The following KCNH7 variants were observed in gnomAD, a reference collection of about 807,000 sequenced individuals.
The protein encoded by KCNH7 is potassium voltage-gated channel subfamily H member 7, also known as voltage-gated inwardly rectifying potassium channel KCNH7.
In KCNH7, 49 loss-of-function variants were observed where a neutral mutation model predicts 120.8. The observed-to-expected ratio is 0.41, with a 90% CI of 0.32 to 0.51. The LOEUF is 0.51. Among genes scored for constraint, KCNH7 ranks in the 20% least tolerant of loss-of-function variants. The pLI is 0.38. For synonymous variants in KCNH7, 547 were observed against 516.1 expected (o/e 1.06, Z -0.81); for missense variants, 1,097 against 1,446.6 (o/e 0.76, Z 3.92).
At chr2:162,419,660 A>T (rs1687642711) in intron 9 of KCNH7, among the ~76,000 whole-genome samples, 2 of 152,028 alleles carry the variant, frequency 1.3e-5, no homozygotes, top group Non-Finnish European at 2.9e-5. Context: ...TCATACAGGC[A>T]TTTTTTCCAT....
intron 2 of KCNH7, among the ~76,000 whole-genome samples, chr2:162,803,048 C>T (rs1488102331): frequency 3.3e-5 from 5 of 151,574 alleles, no homozygotes; most frequent in Admixed American, 6.6e-5. Context: ...TTCTTTTGTC[C>T]GGAGGTTTCC....
At chr2:162,531,128 T>C (rs1691910055) in intron 3 of KCNH7, among the ~76,000 whole-genome samples, 1 of 151,988 alleles carries the variant, frequency 6.6e-6, no homozygotes, top group Non-Finnish European at 1.5e-5. Flanking sequence ...AAACAACTTA[T>C]GTTCATAAAA....
chr2:162,817,474 A>C (rs183550059), intron 2 of KCNH7, among the ~76,000 whole-genome samples: 1 of 152,064 alleles, frequency 6.6e-6, no homozygotes, highest in South Asian at 2.1e-4. Flanking sequence ...CTGATGATAG[A>C]CTTTTAGGTT....
chr2:162,573,192 T>A (rs1693551864), intron 2 of KCNH7, among the ~76,000 whole-genome samples: 1 of 151,966 alleles, frequency 6.6e-6, no homozygotes, highest in East Asian at 1.9e-4. Context: ...AACTTAAAAA[T>A]GTAAATAGGA....
intron 4 of KCNH7, 145 bp from the exon 5 acceptor site, chr2:162,512,819 G>T: frequency 6.6e-6 from 4 of 608,428 alleles, no homozygotes; most frequent in South Asian, 2.3e-5. Flanking sequence ...TTAACATTTT[G>T]TACTATTCCA....
chr2:162,517,811 G>A lies in KCNH7; in HGVS notation c.811C>T (p.Arg271Trp), dbSNP rs372420734. 5.1e-5 allele frequency: 82 copies of A among 1,611,698 alleles called. No homozygotes were observed. The highest frequency in any genetic ancestry group is 6.6e-5 in the Non-Finnish European group (78 of 1,178,510). ...ATATCATGGACCGAAGATGCTCTCCGTATACTACATAAGCTTTCCCTTGAT... is the reference window on the plus strand; with the variant it reads ...ATATCATGGACCGAAGATGCTCTCCATATACTACATAAGCTTTCCCTTGAT... ...SRSRESLCSIRRASSVHDIEG... is the reference protein window; with the variant it reads ...SRSRESLCSIWRASSVHDIEG... The change falls in exon 4 of 16, where the codon CGG becomes TGG. Residue 271 changes from arginine (R) to tryptophan (W), a missense_variant. By Grantham distance (101) the Arg-to-Trp change is moderately radical. Transcript: ENST00000332142.
chr2:162,612,294 C>T (rs1293863488), intron 2 of KCNH7, among the ~76,000 whole-genome samples: 1 of 152,086 alleles, frequency 6.6e-6, no homozygotes, highest in East Asian at 1.9e-4. Flanking sequence ...TTTATATCAG[C>T]AGGTACCACA....
At chr2:162,380,599 T>C (rs1686381614) in intron 13 of KCNH7, among the ~76,000 whole-genome samples, 1 of 152,166 alleles carries the variant, frequency 6.6e-6, no homozygotes. Context: ...CCCCAGCTAC[T>C]GTTTCATGTT....
chr2:162,408,017 A>G (rs1327448751), intron 9 of KCNH7, among the ~76,000 whole-genome samples: 1 of 152,044 alleles, frequency 6.6e-6, no homozygotes, highest in Non-Finnish European at 1.5e-5. Flanking sequence ...TACATTGGCA[A>G]TCACCCCAGT....
chr2:162,764,835 A>G (rs866688439), intron 2 of KCNH7, among the ~76,000 whole-genome samples: 8 of 152,182 alleles, frequency 5.3e-5, no homozygotes, highest in African/African-American at 1.9e-4. Context: ...CATCATACAT[A>G]CATTTACTCT....
chr2:162,463,097 C>T (rs1358257528), intron 6 of KCNH7, among the ~76,000 whole-genome samples: 2 of 151,896 alleles, frequency 1.3e-5, no homozygotes, highest in Non-Finnish European at 2.9e-5. Context: ...CGACTCTAAC[C>T]ACAGGAATCT....
intron 2 of KCNH7, among the ~76,000 whole-genome samples, chr2:162,598,581 G>C (rs757495373): frequency 2.4e-4 from 36 of 152,206 alleles, no homozygotes; most frequent in Middle Eastern, 3.4e-3. Context: ...ACCCAATACT[G>C]AGTAATTTGG....
chr2:162,447,961 A>G (rs1325218740), intron 6 of KCNH7, among the ~76,000 whole-genome samples: 2 of 152,116 alleles, frequency 1.3e-5, no homozygotes, highest in Non-Finnish European at 2.9e-5. Context: ...AAAAAATAAT[A>G]AAGAATCTGA....
chr2:162,637,673 G>A (rs560062946), intron 2 of KCNH7, among the ~76,000 whole-genome samples: 4 of 152,006 alleles, frequency 2.6e-5, no homozygotes, highest in African/African-American at 7.2e-5. Context: ...TGATGTAGAC[G>A]TATATCAAAA....
At chr2:162,497,794 T>A (rs1251373388) in intron 6 of KCNH7, among the ~76,000 whole-genome samples, 1 of 152,112 alleles carries the variant, frequency 6.6e-6, no homozygotes, top group Non-Finnish European at 1.5e-5. Context: ...AAATTGAGAA[T>A]CCACTAAACC....
chr2:162,677,630 T>A (rs1403253291), intron 2 of KCNH7, among the ~76,000 whole-genome samples: 1 of 151,576 alleles, frequency 6.6e-6, no homozygotes, highest in African/African-American at 2.4e-5. Flanking sequence ...TGAATAATGC[T>A]TATATAAACA....
intron 6 of KCNH7, among the ~76,000 whole-genome samples, chr2:162,497,819 C>T (rs534018889): frequency 6.6e-6 from 1 of 151,860 alleles, no homozygotes; most frequent in African/African-American, 2.4e-5. Context: ...ACCACTGAGC[C>T]TGGCACATAT....
At chr2:162,376,875 C>G (rs545452529) in intron 14 of KCNH7, among the ~76,000 whole-genome samples, 1 of 152,248 alleles carries the variant, frequency 6.6e-6, no homozygotes, top group South Asian at 2.1e-4. Flanking sequence ...TATATAAATA[C>G]AGAATAACAT....
At chr2:162,620,387 T>C (rs1227656757) in intron 2 of KCNH7, among the ~76,000 whole-genome samples, 2 of 152,010 alleles carry the variant, frequency 1.3e-5, no homozygotes, top group Non-Finnish European at 2.9e-5. Context: ...AAATCACCTA[T>C]ATGCTGGTGA....
Sources: allele counts gnomAD v4.1 joint callset (sites outside exome capture counted in the v4.1 genomes callset), GRCh38; gene constraint gnomAD v4.1.1; transcripts MANE v1.5; gene names NCBI Gene and HGNC (gene_info 2026-07-23, HGNC 2026-07-21).